Variants in LSM4 observed in about 807,000 individuals in gnomAD.
LSM4 encodes the protein LSM4 homolog, U6 small nuclear RNA and mRNA degradation associated.
LSM4 carries 15 observed loss-of-function variants against 22.3 expected under a neutral mutation model. That is an observed-to-expected ratio of 0.67 (90% confidence interval 0.45 to 1.03). The LOEUF is 1.03. Among genes scored for constraint, LSM4 ranks in the 50% least tolerant of loss-of-function variants. The pLI is 0.00. For synonymous variants in LSM4, 90 were observed against 79.8 expected (o/e 1.13, Z -0.68); for missense variants, 127 against 198.0 (o/e 0.64, Z 2.15).
intron 4 of LSM4, among the ~76,000 whole-genome samples, chr19:18,308,730 G>A (rs1228710608): frequency 1.3e-5 from 2 of 152,192 alleles, no homozygotes; most frequent in African/African-American, 2.4e-5. Context: ...AAGAGGTCAG[G>A]GCTCTCACCA....
chr19:18,313,024 T>A (rs924476594), intron 2 of LSM4, among the ~76,000 whole-genome samples: 7 of 152,166 alleles, frequency 4.6e-5, no homozygotes, highest in Non-Finnish European at 8.8e-5. Context: ...ATTGAGACCA[T>A]CCTGACCAAC....
rs548595253 is a variant in LSM4, at chr19:18,307,832, G to A, written c.329-277C>T. Among the ~76,000 whole-genome samples, 9 of 151,606 alleles carry A rather than the reference G, an allele frequency of 5.9e-5. No homozygotes were observed. The East Asian group carries it at 1.4e-3, about 23-fold the overall frequency. On this transcript the variant is annotated intron_variant, in intron 4 of 4. Transcript: ENST00000593829. The stretch of plus-strand genomic sequence containing the variant: ...CAGAGGACACTAAGTCACATTGGGG[G>A]TTGGGGCAGGCTTCCTAAAGGACAA...
At chr19:18,309,049 G>A (rs1970266660) in intron 4 of LSM4, among the ~76,000 whole-genome samples, 1 of 151,454 alleles carries the variant, frequency 6.6e-6, no homozygotes. Flanking sequence ...CTCCCTGCCT[G>A]GAGTACTATC....
In LSM4 at chr19:18,306,419, G is replaced by GTGC. The variant is rs1380075426; in HGVS notation, c.*1042_*1044dup. 1.3e-5 allele frequency: 2 copies of GTGC among 152,222 alleles called. No individual in the cohort carries two copies. Among genetic ancestry groups the GTGC allele is most frequent in the African/African-American group, 2.4e-5 (1 of 41,454 alleles). The allele number at this position is 152,222 out of a possible 1,614,324, so 9.4% of individuals were successfully genotyped here. A position where few individuals can be genotyped will look rare whatever the true frequency, so the allele number is the denominator to read the frequency against. On this transcript the variant is annotated 3_prime_UTR_variant, in exon 5 of 5. Coordinates refer to ENST00000593829, the MANE Select transcript of LSM4 (RefSeq NM_012321.5). ...CGAAAGCGCTGACTCAGTGTCTCAG[G>GTGC]TGCGCGCCCGAGGAGTGGCAAACCC...
At chr19:18,307,819 A>C (rs1016809841) in intron 4 of LSM4, among the ~76,000 whole-genome samples, 1 of 150,488 alleles carries the variant, frequency 6.6e-6, no homozygotes, top group African/African-American at 2.5e-5. Context: ...GAGGACACTA[A>C]GTCACATTGG....
At chr19:18,309,219 G>T in intron 4 of LSM4, 1 of 158,344 alleles carries the variant, frequency 6.3e-6, no homozygotes. Context: ...GCAAAGCCCA[G>T]GTCCCCCCGA....
chr19:18,319,498 G>A (rs1970400030), intron 1 of LSM4, among the ~76,000 whole-genome samples: 1 of 152,134 alleles, frequency 6.6e-6, no homozygotes, highest in East Asian at 1.9e-4. Flanking sequence ...GGAGGCAGAG[G>A]CTGCAGTGAG....
intron 1 of LSM4, 97 bp downstream of exon 1, chr19:18,322,921 G>A (rs1368548209): frequency 3.3e-6 from 5 of 1,527,988 alleles, no homozygotes; most frequent in African/African-American, 2.8e-5. Flanking sequence ...CCTTACGTTC[G>A]CCCCGCGCCA....
In LSM4 at chr19:18,309,787, G is replaced by A. The variant is rs766768563; in HGVS notation, c.219C>T (p.Asp73=). 17 of 1,613,954 alleles carry A rather than the reference G, an allele frequency of 1.1e-5. No homozygotes were observed. Among genetic ancestry groups the A allele is most frequent in the East Asian group, 4.5e-5 (2 of 44,874 alleles). Residue 73 remains aspartate (D), a synonymous_variant, in exon 4 of 5, where the codon GAC becomes GAT. Transcript: ENST00000593829. ...GSTIKYLRIP[D]EIIDMVKEEV... is the part of the protein sequence containing the mutation. Reference sequence around the variant, plus strand: ...CCTCCTTGACCATGTCGATGATCTCGTCGGGGATGCGCAGGTACTTGATGG... The same window carrying A: ...CCTCCTTGACCATGTCGATGATCTCATCGGGGATGCGCAGGTACTTGATGG...
intron 1 of LSM4, among the ~76,000 whole-genome samples, chr19:18,317,285 G>T (rs1432712268): frequency 1.3e-5 from 2 of 151,288 alleles, no homozygotes; most frequent in African/African-American, 4.9e-5. Flanking sequence ...TCCTCCCAAA[G>T]GGCTGGGGTA....
At chr19:18,310,490 C>T (rs1237169729) in intron 3 of LSM4, among the ~76,000 whole-genome samples, 1 of 152,174 alleles carries the variant, frequency 6.6e-6, no homozygotes, top group Non-Finnish European at 1.5e-5. Context: ...CCCAGCGATG[C>T]CAGTTTTAGG....
At chr19:18,320,188 C>T (rs78660213) in intron 1 of LSM4, among the ~76,000 whole-genome samples, 2,730 of 152,248 alleles carry the variant, frequency 0.018, 93 homozygotes, top group African/African-American at 0.061. Flanking sequence ...GGTGGATCCT[C>T]AAAATCTTAA....
chr19:18,312,736 C>T (rs764365030), intron 2 of LSM4, 34 bp from the exon 3 acceptor site: 2 of 1,524,426 alleles, frequency 1.3e-6, no homozygotes, highest in South Asian at 2.2e-5. Context: ...TTGGCTGTAG[C>T]CCTGGAGCCC....
intron 3 of LSM4, 148 bp downstream of exon 3, chr19:18,312,456 G>T: frequency 1.5e-6 from 1 of 661,754 alleles, no homozygotes; most frequent in East Asian, 2.7e-5. Flanking sequence ...AGCTCACCCT[G>T]CCCTGTCCCT....
intron 3 of LSM4, among the ~76,000 whole-genome samples, chr19:18,310,408 C>T (rs1970285985): frequency 6.6e-6 from 1 of 152,182 alleles, no homozygotes; most frequent in Non-Finnish European, 1.5e-5. Flanking sequence ...AAGCTACAGG[C>T]CTAGTGTGGT....
chr19:18,319,430 C>T (rs964366325), intron 1 of LSM4, among the ~76,000 whole-genome samples: 3 of 150,290 alleles, frequency 2.0e-5, no homozygotes, highest in Non-Finnish European at 3.0e-5. Flanking sequence ...AGCATGGTGG[C>T]GCACACCTGT....
chr19:18,322,071 G>A (rs984596489), intron 1 of LSM4, among the ~76,000 whole-genome samples: 17 of 152,196 alleles, frequency 1.1e-4, no homozygotes, highest in African/African-American at 3.9e-4. Flanking sequence ...AGGAAGACAG[G>A]CAAGGTGAAC....
intron 1 of LSM4, among the ~76,000 whole-genome samples, chr19:18,317,970 G>A (rs1000378967): frequency 5.3e-5 from 8 of 152,180 alleles, no homozygotes; most frequent in African/African-American, 2.4e-5. Flanking sequence ...CTCGGGTAAC[G>A]CAGAGCTGTG....
In LSM4 at chr19:18,306,540, T is replaced by C. The variant is rs954738011; in HGVS notation, c.*924A>G. 1 of 152,174 alleles carries C rather than the reference T, an allele frequency of 6.6e-6. No homozygotes were observed. The allele number at this position is 152,174 out of a possible 1,614,324, so 9.4% of individuals were successfully genotyped here. A position where few individuals can be genotyped will look rare whatever the true frequency, so the allele number is the denominator to read the frequency against. On this transcript the variant is annotated 3_prime_UTR_variant, in exon 5 of 5. Transcript: ENST00000593829. ...CCTGTCTTCTCTGTGTGAACGCCAG[T>C]GTGGACAGATGAGGATAGATGATGG...
Sources: allele counts gnomAD v4.1 joint callset (sites outside exome capture counted in the v4.1 genomes callset), GRCh38; gene constraint gnomAD v4.1.1; transcripts MANE v1.5; gene names NCBI Gene and HGNC (gene_info 2026-07-23, HGNC 2026-07-21).